Variants in SORCS2 observed in about 807,000 individuals in gnomAD.
SORCS2 encodes the protein VPS10 domain-containing receptor SorCS2.
SORCS2 carries 100 observed loss-of-function variants against 141.6 expected under a neutral mutation model. The observed-to-expected ratio is 0.71, with a 90% confidence interval of 0.60 to 0.83. SORCS2 has a LOEUF of 0.83. Among genes scored for constraint, SORCS2 ranks in the 40% least tolerant of loss-of-function variants. The pLI is 0.00. For missense variants in SORCS2, 1,646 were observed against 1,560.2 expected (o/e 1.05, Z -0.93); for synonymous variants, 789 against 676.9 (o/e 1.17, Z -2.57).
At chr4:7,638,298 C>T (rs1360849744) in intron 3 of SORCS2, 30 bp from the exon 4 acceptor site, 1 of 1,494,618 alleles carries the variant, frequency 6.7e-7, no homozygotes, top group African/African-American at 1.5e-5. Context: ...GGCACCTGGC[C>T]CAGGCCTCAC....
chr4:7,353,994 C>T (rs191581777), intron 1 of SORCS2, among the ~76,000 whole-genome samples: 2 of 152,300 alleles, frequency 1.3e-5, no homozygotes, highest in East Asian at 1.9e-4. Flanking sequence ...AGTAAGTGTG[C>T]ACCCCATTAC....
chr4:7,713,501 C>T (rs998306446), intron 15 of SORCS2, among the ~76,000 whole-genome samples: 1 of 152,108 alleles, frequency 6.6e-6, no homozygotes, highest in Non-Finnish European at 1.5e-5. Flanking sequence ...CAGGGACCCT[C>T]TCAAAGGAGA....
intron 1 of SORCS2, among the ~76,000 whole-genome samples, chr4:7,311,042 C>T (rs114756782): frequency 2.6e-4 from 39 of 152,298 alleles, no homozygotes; most frequent in African/African-American, 8.2e-4. Flanking sequence ...GGGCCACATA[C>T]ATTACCCCTA....
intron 2 of SORCS2, among the ~76,000 whole-genome samples, chr4:7,424,873 A>T (rs1726318880): frequency 6.6e-6 from 1 of 152,186 alleles, no homozygotes; most frequent in African/African-American, 2.4e-5. Context: ...CCTGAGGGAC[A>T]TTGGACCACA....
At chr4:7,422,682 C>G (rs1375654083) in intron 2 of SORCS2, among the ~76,000 whole-genome samples, 1 of 152,158 alleles carries the variant, frequency 6.6e-6, no homozygotes, top group Non-Finnish European at 1.5e-5. Flanking sequence ...CCTGCAATTC[C>G]TCCAGGATGT....
intron 3 of SORCS2, among the ~76,000 whole-genome samples, chr4:7,595,236 G>A (rs759126931): frequency 5.9e-5 from 9 of 152,160 alleles, no homozygotes; most frequent in African/African-American, 9.7e-5. Context: ...AGAGAGGCAC[G>A]AGGCAGGGCA....
intron 1 of SORCS2, among the ~76,000 whole-genome samples, chr4:7,306,436 C>T (rs527376680): frequency 6.6e-5 from 10 of 152,202 alleles, no homozygotes; most frequent in South Asian, 2.1e-4. Context: ...ATGAGGGTGG[C>T]GGTGGCCCTG....
chr4:7,257,653 G>A (rs906137777), intron 1 of SORCS2, among the ~76,000 whole-genome samples: 7 of 152,164 alleles, frequency 4.6e-5, no homozygotes, highest in Non-Finnish European at 7.4e-5. Context: ...CTTGTCACCC[G>A]TAAAAGGTGG....
At chr4:7,423,563 C>T (rs1196696676) in intron 2 of SORCS2, among the ~76,000 whole-genome samples, 1 of 152,186 alleles carries the variant, frequency 6.6e-6, no homozygotes. Context: ...TACTGGTGTG[C>T]ACCACCACAC....
chr4:7,304,990 G>A (rs575009645), intron 1 of SORCS2, among the ~76,000 whole-genome samples: 2 of 152,236 alleles, frequency 1.3e-5, no homozygotes, highest in South Asian at 2.1e-4. Context: ...CCTTGCTGTC[G>A]GCTCCAGAGT....
At chr4:7,403,961 G>GTATATATATA (rs71635960) in intron 2 of SORCS2, among the ~76,000 whole-genome samples, 43 of 29,824 alleles carry the variant, frequency 1.4e-3, no homozygotes, top group East Asian at 3.5e-3. Context: ...CTCCATGTGT[G>GTATATATATA]TATATATATA....
chr4:7,296,140 C>T (rs189929583), intron 1 of SORCS2, among the ~76,000 whole-genome samples: 24 of 152,346 alleles, frequency 1.6e-4, no homozygotes, highest in Non-Finnish European at 2.4e-4. Context: ...ACCTGCTGGT[C>T]GCCCCATGCT....
intron 14 of SORCS2, among the ~76,000 whole-genome samples, chr4:7,705,715 C>T (rs2109020483): frequency 6.6e-6 from 1 of 152,372 alleles, no homozygotes; most frequent in South Asian, 2.1e-4. Flanking sequence ...CACCAGTTCA[C>T]ACCCTGAGTT....
chr4:7,704,251 T>G lies in SORCS2; in HGVS notation c.1835T>G (p.Leu612Arg), dbSNP rs1285503578. The part of the protein sequence containing the change: ...TSTSVFVDGL[L>R]SEPGDETLVM... Reference sequence around the variant, plus strand: ...ACCTCGGTGTTTGTGGACGGGCTGCTGAGTGAGCCAGGGGACGAGACGCTG... The same window carrying G: ...ACCTCGGTGTTTGTGGACGGGCTGCGGAGTGAGCCAGGGGACGAGACGCTG... Residue 612 changes from leucine to arginine, a missense_variant, in exon 14 of 27, where the codon CTG (leucine) becomes CGG (arginine). Transcript: ENST00000507866. 1 of 1,612,644 alleles carries G rather than the reference T, an allele frequency of 6.2e-7. No individual in the cohort carries two copies. The highest frequency in any genetic ancestry group is 1.3e-5 in the African/African-American group (1 of 74,922).
chr4:7,631,973 G>C (rs1233550467), intron 3 of SORCS2, among the ~76,000 whole-genome samples: 1 of 152,230 alleles, frequency 6.6e-6, no homozygotes, highest in Non-Finnish European at 1.5e-5. Flanking sequence ...ACCATTGGCT[G>C]CAGTATTTGT....
intron 1 of SORCS2, among the ~76,000 whole-genome samples, chr4:7,343,382 A>T (rs1720472519): frequency 6.6e-6 from 1 of 152,220 alleles, no homozygotes; most frequent in Non-Finnish European, 1.5e-5. Flanking sequence ...AGCCGATGAC[A>T]TGTCTGAGCC....
intron 1 of SORCS2, among the ~76,000 whole-genome samples, chr4:7,375,703 G>A (rs373630994): frequency 6.6e-6 from 1 of 152,198 alleles, no homozygotes; most frequent in African/African-American, 2.4e-5. Context: ...AAACAAAAAT[G>A]CATGTGCAAT....
rs3733598 is a variant in SORCS2, at chr4:7,676,308, C to A, written c.1341+79C>A. ...CCTCTCACCCCACCTCTTCCTCCCCCCTCCCCTCCCGCCTGTCTATATAGC... is the reference window on the plus strand; with the variant it reads ...CCTCTCACCCCACCTCTTCCTCCCCACTCCCCTCCCGCCTGTCTATATAGC... On this transcript the variant is annotated intron_variant, in intron 9 of 26. Coordinates refer to ENST00000507866, the MANE Select transcript of SORCS2 (RefSeq NM_020777.3). 903 of 1,426,452 alleles carry A rather than the reference C, an allele frequency of 6.3e-4. 12 individuals carry two copies. The South Asian group carries it at 0.011, about 17-fold the overall frequency. 88.4% of individuals were successfully genotyped at this position (1,426,452 alleles called of 1,614,324 possible).
intron 8 of SORCS2, among the ~76,000 whole-genome samples, chr4:7,671,530 C>G (rs1453414866): frequency 6.6e-6 from 1 of 151,520 alleles, no homozygotes; most frequent in Non-Finnish European, 1.5e-5. Flanking sequence ...TAAAAAGGAA[C>G]CAAAAGAAAT....
Sources: allele counts gnomAD v4.1 joint callset (sites outside exome capture counted in the v4.1 genomes callset), GRCh38; gene constraint gnomAD v4.1.1; transcripts MANE v1.5; gene names NCBI Gene and HGNC (gene_info 2026-07-23, HGNC 2026-07-21).